The following PTK2B variants were observed in gnomAD, a reference collection of about 807,000 sequenced individuals.
PTK2B encodes protein tyrosine kinase 2 beta.
In PTK2B, 71 loss-of-function variants were observed where a neutral mutation model predicts 142.9. That is an observed-to-expected ratio of 0.50 (90% CI 0.41 to 0.61). The LOEUF is 0.61. Among genes scored for constraint, PTK2B ranks in the 20% least tolerant of loss-of-function variants. The pLI, the probability that PTK2B is intolerant of heterozygous loss-of-function variation, is 0.00. For synonymous variants in PTK2B, 519 were observed against 503.4 expected (o/e 1.03, Z -0.42); for missense variants, 1,105 against 1,320.4 (o/e 0.84, Z 2.53).
intron 1 of PTK2B, among the ~76,000 whole-genome samples, chr8:27,354,350 G>A (rs1362825706): frequency 6.6e-6 from 1 of 152,146 alleles, no homozygotes; most frequent in Non-Finnish European, 1.5e-5. Context: ...TGTGGTCCAG[G>A]CCAGGACGGG....
intron 2 of PTK2B, among the ~76,000 whole-genome samples, chr8:27,411,113 G>A (rs6999306): frequency 0.025 from 3,817 of 152,270 alleles, 172 homozygotes; most frequent in African/African-American, 0.087. Flanking sequence ...TGGCAATCTA[G>A]TGAATAGATA....
intron 13 of PTK2B, 43 bp downstream of exon 13, chr8:27,434,602 C>T (rs756231431): frequency 2.0e-5 from 32 of 1,575,110 alleles, no homozygotes; most frequent in East Asian, 1.6e-4. Flanking sequence ...AGTTGCCTCC[C>T]GTCTGCTTGC....
At chr8:27,342,124 C>G (rs1212954344) in intron 1 of PTK2B, among the ~76,000 whole-genome samples, 1 of 150,128 alleles carries the variant, frequency 6.7e-6, no homozygotes, top group African/African-American at 2.5e-5. Context: ...CAGTGGAGGT[C>G]CCCCACAGGG....
intron 1 of PTK2B, among the ~76,000 whole-genome samples, chr8:27,337,855 T>C (rs922504031): frequency 6.6e-6 from 1 of 152,228 alleles, no homozygotes; most frequent in Non-Finnish European, 1.5e-5. Context: ...TGTGGACATA[T>C]GTTTTCATTT....
At chr8:27,452,639 A>G in intron 27 of PTK2B, 1 of 159,434 alleles carries the variant, frequency 6.3e-6, no homozygotes, top group Non-Finnish European at 1.4e-5. Flanking sequence ...AGTGAATAGC[A>G]TGTTTCTGCT....
intron 1 of PTK2B, among the ~76,000 whole-genome samples, chr8:27,337,382 C>T (rs970074180): frequency 1.3e-5 from 2 of 152,182 alleles, no homozygotes; most frequent in East Asian, 1.9e-4. Flanking sequence ...GTGATCCACC[C>T]GCGTTGGCCT....
chr8:27,332,864 C>A lies in PTK2B; in HGVS notation c.-38+7183C>A, dbSNP rs187878301. Among the ~76,000 whole-genome samples, 136 of 152,348 alleles carry A rather than the reference C, an allele frequency of 8.9e-4. 1 individual carries two copies. The highest frequency in any genetic ancestry group is 9.7e-4 in the Non-Finnish European group (66 of 68,030). ...AGAGTGTTGGGATCACAGGCATGAA[C>A]CACCACTTCTTCCCCCTAATTTGAG... On this transcript the variant is annotated intron_variant, in intron 1 of 30. Coordinates refer to ENST00000346049, the MANE Select transcript of PTK2B (RefSeq NM_173176.3).
At chr8:27,440,574 C>A in intron 21 of PTK2B, 133 bp downstream of exon 21, 2 of 1,046,944 alleles carry the variant, frequency 1.9e-6, no homozygotes, top group Non-Finnish European at 2.7e-6. Context: ...AGGCTGAAGC[C>A]AGGTTCACTG....
At chr8:27,421,410 A>G (rs967302372) in intron 4 of PTK2B, among the ~76,000 whole-genome samples, 3 of 152,090 alleles carry the variant, frequency 2.0e-5, no homozygotes, top group Non-Finnish European at 4.4e-5. Context: ...TGGTGCACCC[A>G]TCACCCAAGC....
At chr8:27,420,140 G>T in intron 3 of PTK2B, 67 bp downstream of exon 3, 1 of 1,580,126 alleles carries the variant, frequency 6.3e-7, no homozygotes, top group Non-Finnish European at 8.6e-7. Context: ...GGCCCTGGGA[G>T]TTTCTCCCTT....
chr8:27,430,630 G>A (rs1321606704), intron 7 of PTK2B, among the ~76,000 whole-genome samples: 4 of 152,132 alleles, frequency 2.6e-5, no homozygotes, highest in African/African-American at 9.7e-5. Context: ...TATCGAGGCC[G>A]TATCAGCTCT....
At chr8:27,412,736 G>C (rs1469581401) in intron 2 of PTK2B, among the ~76,000 whole-genome samples, 1 of 152,132 alleles carries the variant, frequency 6.6e-6, no homozygotes, top group Non-Finnish European at 1.5e-5. Context: ...AGGACCTCGA[G>C]TTAAATTTTC....
chr8:27,355,008 TCTGCC>T (rs1461131390), intron 1 of PTK2B, among the ~76,000 whole-genome samples: 11 of 152,232 alleles, frequency 7.2e-5, no homozygotes, highest in African/African-American at 2.7e-4. Flanking sequence ...TCTTTTTGAT[TCTGCC>T]TCTTAACTCC....
At chr8:27,356,009 C>T (rs1239510066) in intron 1 of PTK2B, among the ~76,000 whole-genome samples, 2 of 146,664 alleles carry the variant, frequency 1.4e-5, no homozygotes, top group Non-Finnish European at 3.0e-5. Flanking sequence ...GGCGACAGTG[C>T]AAGACTGTCT....
intron 1 of PTK2B, among the ~76,000 whole-genome samples, chr8:27,391,581 C>T (rs1431239433): frequency 6.6e-6 from 1 of 152,228 alleles, no homozygotes; most frequent in Non-Finnish European, 1.5e-5. Context: ...GTAACCCTAG[C>T]ATCTCCCCTG....
intron 3 of PTK2B, among the ~76,000 whole-genome samples, chr8:27,315,102 T>C (rs1222910666): frequency 7.2e-5 from 11 of 152,308 alleles, no homozygotes; most frequent in Non-Finnish European, 1.0e-4. Flanking sequence ...CTTTCCACAC[T>C]TTTCCTCAGC....
intron 1 of PTK2B, among the ~76,000 whole-genome samples, chr8:27,352,649 A>G (rs889156003): frequency 5.3e-5 from 8 of 152,122 alleles, no homozygotes; most frequent in Non-Finnish European, 1.2e-4. Context: ...GTGGGAGGTA[A>G]TTGAATCATG....
chr8:27,336,293 C>T (rs1804059433), intron 1 of PTK2B, among the ~76,000 whole-genome samples: 1 of 152,210 alleles, frequency 6.6e-6, no homozygotes, highest in Non-Finnish European at 1.5e-5. Flanking sequence ...TTAAGAACAT[C>T]TCTCATAAGA....
At chr8:27,435,974 C>T (rs1361632532) in intron 14 of PTK2B, among the ~76,000 whole-genome samples, 181 bp downstream of exon 14, 1 of 152,064 alleles carries the variant, frequency 6.6e-6, no homozygotes, top group Non-Finnish European at 1.5e-5. Context: ...TTTTCTCTCC[C>T]TATACTGATT....
Sources: gnomAD v4.1 joint callset for allele counts (sites outside exome capture counted in the v4.1 genomes callset) on GRCh38, gnomAD v4.1.1 for gene constraint, MANE v1.5 for transcripts, NCBI Gene and HGNC (gene_info 2026-07-23, HGNC 2026-07-21) for gene names.